Variants in PHACTR2 observed in about 807,000 individuals in gnomAD.
PHACTR2 encodes the protein chromosome 6 open reading frame 56.
PHACTR2 carries 30 observed loss-of-function variants against 76.0 expected under a neutral mutation model. The observed-to-expected ratio is 0.39, with a 90% confidence interval of 0.30 to 0.54. The LOEUF is 0.54. Ranked by LOEUF, PHACTR2 falls within the 20% of genes least tolerant of loss-of-function variation. The pLI is 0.61. For synonymous variants in PHACTR2, 292 were observed against 292.5 expected (o/e 1.00, Z 0.02); for missense variants, 696 against 781.1 (o/e 0.89, Z 1.30).
intron 1 of PHACTR2, among the ~76,000 whole-genome samples, chr6:143,645,197 A>G (rs529080788): frequency 6.6e-6 from 1 of 152,278 alleles, no homozygotes; most frequent in Admixed American, 6.5e-5. Flanking sequence ...ACTTGCACAC[A>G]GATGTTTATA....
chr6:143,645,244 C>T (rs1323299875), intron 1 of PHACTR2, among the ~76,000 whole-genome samples: 1 of 151,780 alleles, frequency 6.6e-6, no homozygotes, highest in Admixed American at 6.6e-5. Context: ...ATGGAGCCAG[C>T]CCAAATGCCC....
upstream of PHACTR2, among the ~76,000 whole-genome samples, chr6:143,604,096 CAAAAAAAAA>C (rs5880568): frequency 9.1e-5 from 10 of 110,358 alleles, no homozygotes; most frequent in Admixed American, 2.8e-4. Context: ...GACTCTGATT[CAAAAAAAAA>C]AAAAAAAAAG....
rs983039357 is a variant in PHACTR2 at position 143,794,754 on chromosome 6, G to A, written c.1845+5844G>A. Among the ~76,000 whole-genome samples the A allele has an allele frequency of 2.6e-5, 4 of 152,034 alleles. No individual in the cohort carries two copies. Among genetic ancestry groups the A allele is most frequent in the African/African-American group, 4.8e-5 (2 of 41,390 alleles). The stretch of plus-strand genomic sequence containing the variant: ...AGTTGCAGTGAGCTAAGATTATGCC[G>A]CCGCACTCCAGCCTGGGTGACAAAG... On this transcript the variant is annotated intron_variant, in intron 11 of 12. Coordinates refer to ENST00000440869, the MANE Select transcript of PHACTR2 (RefSeq NM_001100164.2). This position sits in a 1 kb window ranked among gnomAD's most constrained non-coding sequence, Gnocchi z 4.1.
In PHACTR2 at chr6:143,793,422, C is replaced by A. The variant is rs745935669; in HGVS notation, c.1845+4512C>A. 6.6e-6 allele frequency among the ~76,000 whole-genome samples: 1 copy of A among 152,120 alleles called. No homozygotes were observed. The highest frequency in any genetic ancestry group is 2.4e-5 in the African/African-American group (1 of 41,430). On this transcript the variant is annotated intron_variant, in intron 11 of 12. Transcript: ENST00000440869. The surrounding 1 kb of genome is among the most constrained non-coding windows in gnomAD (Gnocchi z 4.4). ...TGACTTTGACATCTCCCTTGCAGATCTGAGCCCCAGAGCACAGCCACTGCC... is the reference window on the plus strand; with the variant it reads ...TGACTTTGACATCTCCCTTGCAGATATGAGCCCCAGAGCACAGCCACTGCC...
In PHACTR2 at chr6:143,730,872, T is replaced by C. The variant is rs541393698; in HGVS notation, c.215-18113T>C. ...AAGCGATTCTCCTGCTTCAGCCTCC[T>C]GAGTAGCTGGGACTACAGGCACGTG... On this transcript the variant is annotated intron_variant, in intron 2 of 12. Coordinates refer to ENST00000440869, the MANE Select transcript of PHACTR2 (RefSeq NM_001100164.2). The surrounding 1 kb of genome is among the most constrained non-coding windows in gnomAD (Gnocchi z 4.8). Among the ~76,000 whole-genome samples the C allele has an allele frequency of 4.5e-4, 69 of 152,026 alleles. No individual in the cohort carries two copies. The highest frequency in any genetic ancestry group is 6.3e-4 in the Non-Finnish European group (43 of 67,932).
In PHACTR2 at chr6:143,774,515, C is replaced by T. The variant is rs1224359193; in HGVS notation, c.1589+300C>T. Among the ~76,000 whole-genome samples the T allele has an allele frequency of 1.3e-5, 2 of 152,158 alleles. No homozygotes were observed. Among genetic ancestry groups the T allele is most frequent in the Non-Finnish European group, 2.9e-5 (2 of 68,032 alleles). The stretch of plus-strand genomic sequence containing the variant: ...AGTCTCTGTTGCAGCTACTCAACTG[C>T]GCTGCTGTAGCATAAAAGCAGCCAT... On this transcript the variant is annotated intron_variant, in intron 8 of 12. Coordinates refer to ENST00000440869, the MANE Select transcript of PHACTR2 (RefSeq NM_001100164.2). This position sits in a 1 kb window ranked among gnomAD's most constrained non-coding sequence, Gnocchi z 5.4.
In PHACTR2 at chr6:143,611,724, G is replaced by C. The variant is rs532900590; in HGVS notation, c.13+3402G>C. Among the ~76,000 whole-genome samples, 1 of 152,322 alleles carries C rather than the reference G, an allele frequency of 6.6e-6. No homozygotes were observed. The highest frequency in any genetic ancestry group is 2.4e-5 in the African/African-American group (1 of 41,576). On this transcript the variant is annotated intron_variant, in intron 1 of 11. Transcript: ENST00000305766. The surrounding 1 kb of genome is among the most constrained non-coding windows in gnomAD (Gnocchi z 4.4). ...TTGCTTTATGAACAAATAAATATAT[G>C]CTCCAGCAGCGTGGCTCTGAAAGTG... is the stretch of plus-strand genomic sequence containing the variant.
chr6:143,703,117 TG>T (rs1479390061), intron 1 of PHACTR2, among the ~76,000 whole-genome samples: 23 of 137,010 alleles, frequency 1.7e-4, no homozygotes, highest in Non-Finnish European at 2.0e-4. Context: ...GAGACCAGCC[TG>T]GACAACATGG....
At position 143,580,528 on chromosome 6, in the gene PHACTR2, C is replaced by G. The variant is rs529987132; in HGVS notation, c.217+43321C>G. ...CAAAACAAAAAATACAAACAATTAG[C>G]TGGGCGTGGTGGCACACACCTGTAA... On this transcript the variant is annotated intron_variant, in intron 1 of 11. Transcript: ENST00000367584. The surrounding 1 kb of genome is among the most constrained non-coding windows in gnomAD (Gnocchi z 4.2). Among the ~76,000 whole-genome samples the G allele has an allele frequency of 6.6e-6, 1 of 151,490 alleles. No individual in the cohort carries two copies. Among genetic ancestry groups the G allele is most frequent in the Admixed American group, 6.6e-5 (1 of 15,240 alleles).
chr6:143,655,759 G>A (rs1327981933), intron 1 of PHACTR2, among the ~76,000 whole-genome samples: 1 of 152,122 alleles, frequency 6.6e-6, no homozygotes, highest in Non-Finnish European at 1.5e-5. Flanking sequence ...TATTTACTTT[G>A]CACCTATTAC....
At position 143,809,210 on chromosome 6, in the gene PHACTR2, A is replaced by C. The variant is rs913805414; in HGVS notation, c.1922+2077A>C. Among the ~76,000 whole-genome samples, 2 of 152,210 alleles carry C rather than the reference A, an allele frequency of 1.3e-5. No individual in the cohort carries two copies. On this transcript the variant is annotated intron_variant, in intron 12 of 12. Transcript: ENST00000440869. This position sits in a 1 kb window ranked among gnomAD's most constrained non-coding sequence, Gnocchi z 4.2. The stretch of plus-strand genomic sequence containing the variant: ...AAAAGGAATCAAATTTTAAAAGTAC[A>C]TTTTTATGGAAGTTCTCATTTTATG...
In PHACTR2 at chr6:143,771,180, ATATATATATGTGTG is replaced by A. The variant is rs1336844984; in HGVS notation, c.1233-1068_1233-1055del. 7.6e-3 allele frequency among the ~76,000 whole-genome samples: 386 copies of A among 50,870 alleles called. 12 individuals are homozygous for A. Among genetic ancestry groups the A allele is most frequent in the Admixed American group, 0.064 (247 of 3,832 alleles). 33.4% of individuals were successfully genotyped at this position (50,870 alleles called of 152,430 possible). A position where few individuals can be genotyped will look rare whatever the true frequency, so the allele number is the denominator to read the frequency against. On this transcript the variant is annotated intron_variant, in intron 6 of 12. Coordinates refer to ENST00000440869, the MANE Select transcript of PHACTR2 (RefSeq NM_001100164.2). ...TATGTATATATATATATATGTATAT[ATATATATATGTGTG>A]TATATATATATATATATATATATAT...
At chr6:143,687,458 T>C (rs1777550300) in intron 1 of PHACTR2, among the ~76,000 whole-genome samples, 1 of 152,196 alleles carries the variant, frequency 6.6e-6, no homozygotes, top group Non-Finnish European at 1.5e-5. Flanking sequence ...AAAATATTAA[T>C]ATTTAGTGAA....
rs1294543480 is a variant in PHACTR2 at position 143,548,281 on chromosome 6, A to G, written c.217+11074A>G. Among the ~76,000 whole-genome samples, 3 of 149,816 alleles carry G rather than the reference A, an allele frequency of 2.0e-5. No homozygotes were observed. In the East Asian group the frequency reaches 5.8e-4, roughly 29 times the overall value. On this transcript the variant is annotated intron_variant, in intron 1 of 11. Transcript: ENST00000367584. This position sits in a 1 kb window ranked among gnomAD's most constrained non-coding sequence, Gnocchi z 4.5. Reference sequence around the variant, plus strand: ...CTCAATACCTCATCTAATCCTTATTACCTCCCAAAGACTCCACCTCATAAT... The same window carrying G: ...CTCAATACCTCATCTAATCCTTATTGCCTCCCAAAGACTCCACCTCATAAT...
chr6:143,756,702 A>G (rs1158695891), intron 4 of PHACTR2, among the ~76,000 whole-genome samples: 1 of 149,314 alleles, frequency 6.7e-6, no homozygotes, highest in East Asian at 2.0e-4. Flanking sequence ...CCGTCTCAAA[A>G]AAAAAAAAAA....
At chr6:143,563,556 A>AAAAAAAAC (rs57824886) in intron 1 of PHACTR2, among the ~76,000 whole-genome samples, 28,358 of 128,460 alleles carry the variant, frequency 0.22, 3,390 homozygotes, top group South Asian at 0.36. Context: ...CGTCTCAAAA[A>AAAAAAAAC]AAAAAAAAAA....
At chr6:143,540,969 C>A (rs1462703959) in intron 1 of PHACTR2, among the ~76,000 whole-genome samples, 1 of 152,162 alleles carries the variant, frequency 6.6e-6, no homozygotes, top group Non-Finnish European at 1.5e-5. Flanking sequence ...AGCTGGAGTA[C>A]AATGGCTGTT....
At chr6:143,720,733 C>T (rs1778420907) in intron 2 of PHACTR2, among the ~76,000 whole-genome samples, 1 of 152,092 alleles carries the variant, frequency 6.6e-6, no homozygotes, top group Admixed American at 6.5e-5. Flanking sequence ...CACCTCAAGT[C>T]CCCTGAGTCA....
rs971010966 is a variant in PHACTR2, at chr6:143,710,518, C to T, written c.47-1498C>T. 1.3e-5 allele frequency among the ~76,000 whole-genome samples: 2 copies of T among 152,088 alleles called. No individual in the cohort carries two copies. Among genetic ancestry groups the T allele is most frequent in the African/African-American group, 4.8e-5 (2 of 41,394 alleles). On this transcript the variant is annotated intron_variant, in intron 1 of 12. Coordinates refer to ENST00000440869, the MANE Select transcript of PHACTR2 (RefSeq NM_001100164.2). The surrounding 1 kb of genome is among the most constrained non-coding windows in gnomAD (Gnocchi z 4.9). ...GACCAGCCTGGGCAACATGGTGAAA[C>T]CCCGTCTCTACTAAAAATACAAAAA...
Sources: allele counts gnomAD v4.1 joint callset (sites outside exome capture counted in the v4.1 genomes callset), GRCh38; gene constraint gnomAD v4.1.1; non-coding constraint Gnocchi (gnomAD v3.1); transcripts MANE v1.5; gene names NCBI Gene and HGNC (gene_info 2026-07-23, HGNC 2026-07-21).